The following MACROD2 variants were observed in gnomAD, a reference collection of about 807,000 sequenced individuals.
The protein encoded by MACROD2 is ADP-ribose glycohydrolase MACROD2.
Under a neutral mutation model 70.4 loss-of-function variants are expected in MACROD2, and 36 were observed. The observed-to-expected ratio is 0.51, with a 90% CI of 0.39 to 0.68. MACROD2 has a LOEUF of 0.68. Ranked by LOEUF, MACROD2 falls within the 30% of genes least tolerant of loss-of-function variation. MACROD2 has a pLI of 0.00. For missense variants in MACROD2, 496 were observed against 538.4 expected (o/e 0.92, Z 0.78); for synonymous variants, 172 against 178.8 (o/e 0.96, Z 0.30).
chr20:14,738,311 C>A (rs1003536432), intron 5 of MACROD2, among the ~76,000 whole-genome samples: 6 of 152,078 alleles, frequency 3.9e-5, no homozygotes, highest in African/African-American at 1.4e-4. Context: ...TCTTTCCGAT[C>A]ATAAAGAACA....
intron 5 of MACROD2, among the ~76,000 whole-genome samples, chr20:14,851,367 A>C (rs2073197791): frequency 6.6e-6 from 1 of 152,152 alleles, no homozygotes; most frequent in Admixed American, 6.5e-5. Context: ...GAACAATTAC[A>C]ATGGAATATG....
At chr20:15,494,497 A>C (rs2047269486) in intron 7 of MACROD2, among the ~76,000 whole-genome samples, 1 of 152,264 alleles carries the variant, frequency 6.6e-6, no homozygotes, top group Non-Finnish European at 1.5e-5. Flanking sequence ...ACTACAATGA[A>C]ATAAGCTACT....
intron 3 of MACROD2, among the ~76,000 whole-genome samples, chr20:14,363,678 G>A (rs1351465233): frequency 2.5e-5 from 2 of 81,556 alleles, no homozygotes; most frequent in Admixed American, 1.1e-4. Context: ...AAAATTAGCC[G>A]GGCGCGGTGG....
chr20:14,165,144 A>G (rs2055249327), intron 3 of MACROD2, among the ~76,000 whole-genome samples: 1 of 152,126 alleles, frequency 6.6e-6, no homozygotes. Flanking sequence ...GTGCTGTGCC[A>G]TGCCTGTTTA....
intron 5 of MACROD2, among the ~76,000 whole-genome samples, chr20:14,986,690 TA>T (rs2074851757): frequency 6.6e-6 from 1 of 152,090 alleles, no homozygotes; most frequent in Non-Finnish European, 1.5e-5. Flanking sequence ...ATAAATCAGC[TA>T]AAAGATAATT....
intron 3 of MACROD2, among the ~76,000 whole-genome samples, chr20:14,385,431 A>G (rs896829043): frequency 2.4e-5 from 3 of 127,056 alleles, no homozygotes; most frequent in Non-Finnish European, 5.2e-5. Flanking sequence ...TCATTTCACA[A>G]ATTTAAAAAA....
chr20:15,694,058 T>C (rs1312811178), intron 8 of MACROD2, among the ~76,000 whole-genome samples: 1 of 152,218 alleles, frequency 6.6e-6, no homozygotes, highest in Non-Finnish European at 1.5e-5. Flanking sequence ...TTCCTTTTTA[T>C]GGCTGCATAG....
chr20:16,016,681 A>G (rs1225884), intron 15 of MACROD2, among the ~76,000 whole-genome samples: 149,540 of 152,298 alleles, frequency 0.98, 73,481 homozygotes, highest in East Asian at 1. Context: ...GATTACAGGC[A>G]CCTACTACCA....
chr20:15,256,795 A>G (rs985367769), intron 6 of MACROD2, among the ~76,000 whole-genome samples: 1 of 152,094 alleles, frequency 6.6e-6, no homozygotes, highest in East Asian at 1.9e-4. Context: ...TGGAAATGAC[A>G]GAAATTTCCT....
chr20:14,743,448 A>C (rs2071759909), intron 5 of MACROD2, among the ~76,000 whole-genome samples: 1 of 152,196 alleles, frequency 6.6e-6, no homozygotes, highest in African/African-American at 2.4e-5. Flanking sequence ...AAAAAGACAC[A>C]GAGATACAAC....
intron 4 of MACROD2, among the ~76,000 whole-genome samples, chr20:14,646,197 C>G (rs1985383066): frequency 6.7e-6 from 1 of 149,654 alleles, no homozygotes; most frequent in African/African-American, 2.4e-5. Context: ...TTCTAGCCTA[C>G]TCATTTTATT....
chr20:15,851,037 G>A (rs2064292274), intron 8 of MACROD2, among the ~76,000 whole-genome samples: 1 of 151,884 alleles, frequency 6.6e-6, no homozygotes, highest in African/African-American at 2.4e-5. Context: ...TCAGAACGTT[G>A]GAAATGATGG....
rs187518183 is a variant in MACROD2, at chr20:14,915,600, T to C, written c.418+230641T>C. On this transcript the variant is annotated intron_variant, in intron 5 of 17. Coordinates refer to ENST00000684519, the MANE Select transcript of MACROD2 (RefSeq NM_001351661.2). The stretch of plus-strand genomic sequence containing the variant: ...TCTCTGTGCTTTGCTTGCCTCGGCG[T>C]CCGAGGAGCGGCTGTGCCCGACTGT... Among the ~76,000 whole-genome samples, 69 of 152,246 alleles carry C rather than the reference T, an allele frequency of 4.5e-4. 1 individual carries two copies. Among genetic ancestry groups the C allele is most frequent in the African/African-American group, 1.5e-3 (63 of 41,556 alleles).
chr20:14,165,618 A>G (rs1357593081), intron 3 of MACROD2, among the ~76,000 whole-genome samples: 2 of 152,226 alleles, frequency 1.3e-5, no homozygotes, highest in Non-Finnish European at 2.9e-5. Context: ...TTAGAGAAAT[A>G]ATGGAGATAC....
intron 5 of MACROD2, among the ~76,000 whole-genome samples, chr20:15,023,109 G>A (rs939210981): frequency 6.6e-6 from 1 of 152,044 alleles, no homozygotes; most frequent in African/African-American, 2.4e-5. Flanking sequence ...GCCCAGATCA[G>A]GCTTCAGTTC....
intron 3 of MACROD2, among the ~76,000 whole-genome samples, chr20:14,425,866 T>C (rs1398236007): frequency 1.3e-5 from 2 of 152,214 alleles, no homozygotes; most frequent in African/African-American, 2.4e-5. Flanking sequence ...AAATAAATGC[T>C]ACTTTGCAAC....
At chr20:15,791,133 A>G (rs1310488480) in intron 8 of MACROD2, among the ~76,000 whole-genome samples, 2 of 151,650 alleles carry the variant, frequency 1.3e-5, no homozygotes, top group African/African-American at 2.4e-5. Context: ...TTTGATTTCC[A>G]TGGAAGTAGT....
chr20:14,049,187 A>AG (rs1891525574), intron 2 of MACROD2, among the ~76,000 whole-genome samples: 1 of 150,882 alleles, frequency 6.6e-6, no homozygotes, highest in Non-Finnish European at 1.5e-5. Context: ...AAAAAAAAAA[A>AG]AACAAAAAAA....
At chr20:15,638,886 T>G (rs2049410589) in intron 8 of MACROD2, among the ~76,000 whole-genome samples, 1 of 152,186 alleles carries the variant, frequency 6.6e-6, no homozygotes. Context: ...TTTGACTCCA[T>G]CCGGAACAGA....
Sources: allele counts gnomAD v4.1 joint callset (sites outside exome capture counted in the v4.1 genomes callset), GRCh38; gene constraint gnomAD v4.1.1; transcripts MANE v1.5; gene names NCBI Gene and HGNC (gene_info 2026-07-23, HGNC 2026-07-21).